NELL1: variants seen among roughly 807,000 people sequenced by gnomAD.
NELL1 encodes protein kinase C-binding protein NELL1.
A neutral mutation model predicts 107.4 loss-of-function variants in NELL1; 76 were observed. The observed-to-expected ratio is 0.71, with a 90% confidence interval of 0.59 to 0.86. The LOEUF is 0.86. NELL1 is among the 40% of genes least tolerant of loss of function. The pLI, the probability that NELL1 is intolerant of heterozygous loss-of-function variation, is 0.00. For synonymous variants in NELL1, 353 were observed against 341.2 expected (o/e 1.03, Z -0.38); for missense variants, 1,024 against 1,005.5 (o/e 1.02, Z -0.25).
intron 13 of NELL1, among the ~76,000 whole-genome samples, chr11:21,172,125 T>C (rs993696745): frequency 6.6e-6 from 1 of 151,842 alleles, no homozygotes; most frequent in Non-Finnish European, 1.5e-5. Flanking sequence ...GCAAAGGGTA[T>C]TTTTTGGATC....
intron 16 of NELL1, among the ~76,000 whole-genome samples, chr11:21,544,062 A>C (rs751579861): frequency 3.9e-5 from 6 of 152,006 alleles, no homozygotes; most frequent in Non-Finnish European, 8.8e-5. Flanking sequence ...ACTAGTCATA[A>C]AGAAAAAGAA....
intron 12 of NELL1, among the ~76,000 whole-genome samples, chr11:21,025,824 A>C (rs1852802316): frequency 6.6e-6 from 1 of 152,160 alleles, no homozygotes; most frequent in African/African-American, 2.4e-5. Context: ...AATGAGCTCC[A>C]GTTATTCCCC....
intron 2 of NELL1, among the ~76,000 whole-genome samples, chr11:20,779,239 G>A (rs2133978017): frequency 6.6e-6 from 1 of 152,264 alleles, no homozygotes; most frequent in Admixed American, 6.5e-5. Flanking sequence ...GTTGGTTTAG[G>A]GATGACATGA....
intron 14 of NELL1, among the ~76,000 whole-genome samples, chr11:21,244,805 C>T (rs532977767): frequency 2.6e-5 from 4 of 152,134 alleles, no homozygotes; most frequent in Non-Finnish European, 5.9e-5. Flanking sequence ...GTGAAGGTCA[C>T]GGTTTCTGGA....
intron 2 of NELL1, among the ~76,000 whole-genome samples, chr11:20,711,748 A>T (rs114260739): frequency 6.6e-5 from 10 of 152,090 alleles, no homozygotes; most frequent in African/African-American, 2.4e-4. Context: ...CTAAGAAATC[A>T]GCTGTTAATC....
intron 15 of NELL1, among the ~76,000 whole-genome samples, chr11:21,468,602 T>A (rs1429113695): frequency 6.6e-6 from 1 of 152,038 alleles, no homozygotes; most frequent in Non-Finnish European, 1.5e-5. Context: ...CAATAACAAG[T>A]TATTATCTGA....
chr11:21,338,825 A>T (rs774549543), intron 14 of NELL1, among the ~76,000 whole-genome samples: 12 of 152,198 alleles, frequency 7.9e-5, no homozygotes, highest in African/African-American at 2.9e-4. Context: ...GCAAAGTTTC[A>T]AGAGGAGCAG....
intron 12 of NELL1, among the ~76,000 whole-genome samples, chr11:21,110,332 A>T (rs1427245676): frequency 6.6e-6 from 1 of 152,178 alleles, no homozygotes; most frequent in Admixed American, 6.5e-5. Context: ...TGACATGTAG[A>T]GAGCAAGGGT....
intron 15 of NELL1, among the ~76,000 whole-genome samples, chr11:21,420,371 A>T (rs1852635294): frequency 6.6e-6 from 1 of 152,176 alleles, no homozygotes; most frequent in Non-Finnish European, 1.5e-5. Context: ...AAATGATAGT[A>T]AAGGAGTTGT....
chr11:21,097,529 TG>T (rs1282336445), intron 12 of NELL1, among the ~76,000 whole-genome samples: 1 of 150,846 alleles, frequency 6.6e-6, no homozygotes, highest in Non-Finnish European at 1.5e-5. Context: ...CTAAATGTAC[TG>T]GGGGAGGGGG....
At chr11:20,701,451 T>C (rs1329607350) in intron 2 of NELL1, among the ~76,000 whole-genome samples, 2 of 152,192 alleles carry the variant, frequency 1.3e-5, no homozygotes, top group African/African-American at 4.8e-5. Flanking sequence ...TCTCCCATTC[T>C]GTAGGTTGCC....
At chr11:20,682,371 T>A (rs1854209941) in intron 2 of NELL1, among the ~76,000 whole-genome samples, 1 of 150,226 alleles carries the variant, frequency 6.7e-6, no homozygotes. Context: ...CCCAAAAATA[T>A]ATTAATAAGA....
intron 5 of NELL1, among the ~76,000 whole-genome samples, chr11:20,895,953 T>A (rs1005055803): frequency 3.9e-5 from 6 of 152,188 alleles, no homozygotes; most frequent in Non-Finnish European, 7.3e-5. Context: ...TTCTTTTTTT[T>A]AAATTCTATG....
intron 14 of NELL1, among the ~76,000 whole-genome samples, chr11:21,308,069 G>T (rs1019225593): frequency 6.6e-6 from 1 of 151,952 alleles, no homozygotes; most frequent in African/African-American, 2.4e-5. Flanking sequence ...AGGTTGGAAC[G>T]CCGGCTTTGC....
chr11:21,551,307 T>G (rs10766831), intron 16 of NELL1, among the ~76,000 whole-genome samples: 55,381 of 151,880 alleles, frequency 0.36, 11,473 homozygotes, highest in Non-Finnish European at 0.48. Flanking sequence ...TTTGACTTCC[T>G]CTTTTCCTAA....
intron 15 of NELL1, among the ~76,000 whole-genome samples, chr11:21,466,529 A>G (rs1032600125): frequency 6.6e-6 from 1 of 152,186 alleles, no homozygotes; most frequent in Admixed American, 6.5e-5. Flanking sequence ...GCTCAGTGGA[A>G]AGAGATGAGC....
chr11:20,988,505 G>GTA (rs1042461532), intron 12 of NELL1, among the ~76,000 whole-genome samples: 2 of 144,886 alleles, frequency 1.4e-5, no homozygotes, highest in Non-Finnish European at 3.0e-5. Flanking sequence ...ATATATGTGT[G>GTA]TATATATACA....
chr11:21,170,480 G>A (rs1856580241), intron 13 of NELL1, among the ~76,000 whole-genome samples: 1 of 151,604 alleles, frequency 6.6e-6, no homozygotes, highest in Non-Finnish European at 1.5e-5. Flanking sequence ...ACAATATATT[G>A]CTATTTTTCC....
chr11:21,474,116 G>C (rs1854259396), intron 15 of NELL1, among the ~76,000 whole-genome samples: 1 of 151,910 alleles, frequency 6.6e-6, no homozygotes, highest in Admixed American at 6.6e-5. Context: ...TCTGACCTCT[G>C]CTTGCTTTCC....
Sources: gnomAD v4.1 joint callset for allele counts (sites outside exome capture counted in the v4.1 genomes callset) on GRCh38, gnomAD v4.1.1 for gene constraint, MANE v1.5 for transcripts, NCBI Gene and HGNC (gene_info 2026-07-23, HGNC 2026-07-21) for gene names.